PRKCA: variants seen among roughly 807,000 people sequenced by gnomAD.
The protein encoded by PRKCA is protein kinase C alpha type.
A neutral mutation model predicts 87.0 loss-of-function variants in PRKCA; 27 were observed. The ratio of observed to expected loss-of-function variants is 0.31; its 90% CI spans 0.23 to 0.43. The LOEUF (loss-of-function observed/expected upper bound fraction) is 0.43, where lower values mean the gene tolerates loss of function less well. PRKCA is among the 20% of genes least tolerant of loss of function. The pLI is 1.00. For synonymous variants in PRKCA, 329 were observed against 311.1 expected, an observed-to-expected ratio of 1.06 and a Z score of -0.61; for missense variants, 518 against 852.3, an observed-to-expected ratio of 0.61 and a Z score of 4.88.
At chr17:66,785,753 C>T (rs78685754) in intron 14 of PRKCA, among the ~76,000 whole-genome samples, 342 of 152,358 alleles carry the variant, frequency 2.2e-3, no homozygotes, top group Non-Finnish European at 3.9e-3. Flanking sequence ...TGCCTTCATT[C>T]GGCGCTTATT....
chr17:66,472,161 G>T (rs1449519453), intron 2 of PRKCA, among the ~76,000 whole-genome samples: 1 of 152,124 alleles, frequency 6.6e-6, no homozygotes, highest in Non-Finnish European at 1.5e-5. Flanking sequence ...ATGAAGTCTT[G>T]CTATGTTGCC....
At chr17:66,434,217 G>T (rs1319668410) in intron 2 of PRKCA, among the ~76,000 whole-genome samples, 1 of 151,744 alleles carries the variant, frequency 6.6e-6, no homozygotes, top group African/African-American at 2.4e-5. Flanking sequence ...GGGAGAGAAG[G>T]CAGCATCCTT....
chr17:66,616,963 C>T (rs922727535), intron 3 of PRKCA, among the ~76,000 whole-genome samples: 3 of 151,174 alleles, frequency 2.0e-5, no homozygotes, highest in Non-Finnish European at 4.4e-5. Context: ...AGGTTGGGTA[C>T]GAACGGGACA....
intron 3 of PRKCA, among the ~76,000 whole-genome samples, chr17:66,558,166 G>A (rs373887139): frequency 9.2e-5 from 14 of 152,362 alleles, no homozygotes; most frequent in East Asian, 7.7e-4. Flanking sequence ...CCTGATGGTC[G>A]GTTTGATTGG....
At chr17:66,754,194 A>C (rs980748377) in intron 13 of PRKCA, among the ~76,000 whole-genome samples, 2 of 151,972 alleles carry the variant, frequency 1.3e-5, no homozygotes, top group Admixed American at 6.6e-5. Flanking sequence ...TTATATATTC[A>C]TATCTTTTTT....
At chr17:66,513,639 A>G (rs1439337649) in intron 3 of PRKCA, among the ~76,000 whole-genome samples, 1 of 152,192 alleles carries the variant, frequency 6.6e-6, no homozygotes, top group Non-Finnish European at 1.5e-5. Context: ...CTCTGCAGTC[A>G]TTAATTTTTT....
intron 5 of PRKCA, among the ~76,000 whole-genome samples, chr17:66,648,081 C>A (rs1414475938): frequency 6.6e-6 from 1 of 152,328 alleles, no homozygotes; most frequent in African/African-American, 2.4e-5. Context: ...CTGGTGAAGG[C>A]TCCGTCTCTG....
intron 3 of PRKCA, among the ~76,000 whole-genome samples, chr17:66,593,705 A>G (rs1479269193): frequency 6.6e-6 from 1 of 152,220 alleles, no homozygotes; most frequent in Non-Finnish European, 1.5e-5. Context: ...CTGCTTCTAG[A>G]ACTGTTCCAA....
At chr17:66,774,625 GA>G (rs1173218913) in intron 14 of PRKCA, 2 of 987,090 alleles carry the variant, frequency 2.0e-6, no homozygotes, top group Non-Finnish European at 2.4e-6. Flanking sequence ...TCTCAAAAAA[GA>G]AAAAAATGTG....
intron 3 of PRKCA, among the ~76,000 whole-genome samples, chr17:66,634,869 C>T (rs556415296): frequency 2.0e-5 from 3 of 152,218 alleles, no homozygotes; most frequent in Non-Finnish European, 2.9e-5. Context: ...CATGTCAGTC[C>T]TCTGTGTGTG....
At chr17:66,703,354 C>T (rs988602448) in intron 8 of PRKCA, 1 of 151,974 alleles carries the variant, frequency 6.6e-6, no homozygotes, top group African/African-American at 2.4e-5. Context: ...GGCTGTCCCT[C>T]ACCTCTGCAT....
At chr17:66,512,658 A>G (rs1387447417) in intron 3 of PRKCA, among the ~76,000 whole-genome samples, 1 of 151,438 alleles carries the variant, frequency 6.6e-6, no homozygotes, top group Non-Finnish European at 1.5e-5. Flanking sequence ...ACGATTTCAG[A>G]CTCCGCTGAA....
chr17:66,480,011 AAAC>A (rs201987719), intron 2 of PRKCA, among the ~76,000 whole-genome samples: 51 of 138,522 alleles, frequency 3.7e-4, no homozygotes, highest in African/African-American at 1.1e-3. Flanking sequence ...AAAAAAAAAA[AAAC>A]ATTTTGGTTT....
intron 2 of PRKCA, among the ~76,000 whole-genome samples, chr17:66,379,361 G>T (rs965465491): frequency 1.3e-5 from 2 of 152,174 alleles, no homozygotes; most frequent in Non-Finnish European, 2.9e-5. Flanking sequence ...GACCAATGAT[G>T]CTGAGCATCT....
intron 13 of PRKCA, among the ~76,000 whole-genome samples, chr17:66,763,431 A>G (rs956466357): frequency 3.9e-5 from 6 of 152,184 alleles, no homozygotes; most frequent in Admixed American, 3.3e-4. Flanking sequence ...GAACACCCAG[A>G]AAACGTTCAG....
chr17:66,711,463 C>G (rs894592628), intron 8 of PRKCA, among the ~76,000 whole-genome samples: 6 of 152,088 alleles, frequency 3.9e-5, no homozygotes, highest in Non-Finnish European at 5.9e-5. Context: ...TCTAATCAAC[C>G]ATTCTATCCC....
intron 2 of PRKCA, among the ~76,000 whole-genome samples, chr17:66,423,546 T>C (rs965925249): frequency 1.3e-5 from 2 of 152,238 alleles, no homozygotes; most frequent in Non-Finnish European, 2.9e-5. Context: ...AATAATTACC[T>C]GACTCAGAAG....
chr17:66,463,064 A>G (rs1259335622), intron 2 of PRKCA, among the ~76,000 whole-genome samples: 1 of 152,106 alleles, frequency 6.6e-6, no homozygotes, highest in Non-Finnish European at 1.5e-5. Flanking sequence ...GGCCTGGAGC[A>G]GTGCTGGGTG....
intron 1 of PRKCA, 38 bp downstream of exon 1, chr17:66,303,062 C>T: frequency 6.9e-6 from 11 of 1,582,882 alleles, no homozygotes; most frequent in Non-Finnish European, 9.4e-6. Flanking sequence ...CCGCTCCTCC[C>T]CGCCTCCGGG....
Sources: allele counts gnomAD v4.1 joint callset (sites outside exome capture counted in the v4.1 genomes callset), GRCh38; gene constraint gnomAD v4.1.1; transcripts MANE v1.5; gene names NCBI Gene and HGNC (gene_info 2026-07-23, HGNC 2026-07-21).